The following SLC24A2 variants were observed in gnomAD, a reference collection of about 807,000 sequenced individuals.
The protein encoded by SLC24A2 is solute carrier family 24 member 2, also known as sodium/potassium/calcium exchanger 2.
SLC24A2 carries 36 observed loss-of-function variants against 62.0 expected under a neutral mutation model. The observed-to-expected ratio is 0.58, with a 90% CI of 0.44 to 0.77. SLC24A2 has a LOEUF of 0.77. Among genes scored for constraint, SLC24A2 ranks in the 30% least tolerant of loss-of-function variants. The pLI is 0.00. For missense variants in SLC24A2, 846 were observed against 817.9 expected (o/e 1.03, Z -0.42); for synonymous variants, 358 against 294.0 (o/e 1.22, Z -2.23).
chr9:20,138,872 C>G, the SLC24A2 span, among the ~76,000 whole-genome samples: 1 of 152,202 alleles, frequency 6.6e-6, no homozygotes, highest in Admixed American at 6.5e-5. Context: ...ATTTCGCTCC[C>G]AGGCGAAGGC....
chr9:20,022,356 A>T, the SLC24A2 span, among the ~76,000 whole-genome samples: 1 of 152,222 alleles, frequency 6.6e-6, no homozygotes, highest in Non-Finnish European at 1.5e-5. Context: ...TTTAAACCAT[A>T]TAACAATCCT....
intron 10 of SLC24A2, among the ~76,000 whole-genome samples, chr9:19,519,102 A>G (rs977975556): frequency 2.6e-5 from 4 of 152,332 alleles, no homozygotes; most frequent in African/African-American, 9.6e-5. Flanking sequence ...GGAATATTTG[A>G]AGCCACAAAA....
chr9:19,871,264 T>C, the SLC24A2 span, among the ~76,000 whole-genome samples: 1 of 152,210 alleles, frequency 6.6e-6, no homozygotes, highest in Non-Finnish European at 1.5e-5. Context: ...CTGAACATAA[T>C]TCATTTTTTC....
chr9:20,225,883 A>T, the SLC24A2 span, among the ~76,000 whole-genome samples: 2 of 151,900 alleles, frequency 1.3e-5, no homozygotes, highest in Non-Finnish European at 2.9e-5. Context: ...TTACTCTCCC[A>T]AATCCTTTAG....
chr9:19,685,629 A>G (rs1819858532), intron 2 of SLC24A2, among the ~76,000 whole-genome samples: 1 of 152,028 alleles, frequency 6.6e-6, no homozygotes, highest in Non-Finnish European at 1.5e-5. Flanking sequence ...CCCCCAAACC[A>G]TCTGATATTC....
chr9:20,161,757 T>TACACACACAC, the SLC24A2 span, among the ~76,000 whole-genome samples: 814 of 147,338 alleles, frequency 5.5e-3, 10 homozygotes, highest in African/African-American at 0.017. Flanking sequence ...AACATGAAGA[T>TACACACACAC]ACACACACAC....
chr9:20,057,047 T>G, the SLC24A2 span, among the ~76,000 whole-genome samples: 1 of 152,194 alleles, frequency 6.6e-6, no homozygotes, highest in Non-Finnish European at 1.5e-5. Context: ...ACATAATTTT[T>G]TAAATCCCAA....
At chr9:19,852,093 T>C in the SLC24A2 span, among the ~76,000 whole-genome samples, 1 of 152,186 alleles carries the variant, frequency 6.6e-6, no homozygotes, top group Non-Finnish European at 1.5e-5. Context: ...GACGTTGAGC[T>C]TTTTTTCATA....
chr9:19,954,257 C>A, the SLC24A2 span, among the ~76,000 whole-genome samples: 1 of 151,982 alleles, frequency 6.6e-6, no homozygotes, highest in African/African-American at 2.4e-5. Flanking sequence ...CCTGGGGATA[C>A]CTCTACTGCA....
the SLC24A2 span, among the ~76,000 whole-genome samples, chr9:19,819,769 G>A: frequency 8.8e-3 from 1,339 of 151,908 alleles, 24 homozygotes; most frequent in African/African-American, 0.031. Context: ...ATGTAAACTA[G>A]TGCAGCCACT....
the SLC24A2 span, among the ~76,000 whole-genome samples, chr9:20,228,555 T>C: frequency 6.6e-6 from 1 of 152,160 alleles, no homozygotes; most frequent in Non-Finnish European, 1.5e-5. Context: ...GGGAGTAGAC[T>C]GGCTTGCTGT....
the SLC24A2 span, among the ~76,000 whole-genome samples, chr9:19,879,485 ATT>A: frequency 6.6e-6 from 1 of 152,188 alleles, no homozygotes; most frequent in African/African-American, 2.4e-5. Context: ...ATAGCAAGTT[ATT>A]TTGGGTTACA....
At chr9:20,155,154 A>G in the SLC24A2 span, among the ~76,000 whole-genome samples, 2 of 151,660 alleles carry the variant, frequency 1.3e-5, no homozygotes, top group African/African-American at 2.4e-5. Context: ...AAAAGAAAAA[A>G]AAAAAAAACT....
the SLC24A2 span, among the ~76,000 whole-genome samples, chr9:19,833,651 C>T: frequency 6.6e-6 from 1 of 152,234 alleles, no homozygotes; most frequent in Non-Finnish European, 1.5e-5. Flanking sequence ...CCTCTGGGGG[C>T]ACAGCACAGA....
At chr9:19,977,763 A>C in the SLC24A2 span, among the ~76,000 whole-genome samples, 1 of 152,184 alleles carries the variant, frequency 6.6e-6, no homozygotes, top group South Asian at 2.1e-4. Flanking sequence ...GTGCATTTGA[A>C]GGTATTTAGA....
the SLC24A2 span, among the ~76,000 whole-genome samples, chr9:19,875,455 T>C: frequency 6.6e-6 from 1 of 152,102 alleles, no homozygotes; most frequent in East Asian, 1.9e-4. Flanking sequence ...CAGCAATGAG[T>C]CATTATGACA....
the SLC24A2 span, among the ~76,000 whole-genome samples, chr9:19,796,126 T>TG: frequency 1.7e-5 from 1 of 59,046 alleles, no homozygotes; most frequent in African/African-American, 8.1e-5. Flanking sequence ...TGTTGTGGGG[T>TG]GGGGGGAGGG....
At chr9:20,093,232 C>G in the SLC24A2 span, among the ~76,000 whole-genome samples, 1 of 151,798 alleles carries the variant, frequency 6.6e-6, no homozygotes, top group African/African-American at 2.4e-5. Flanking sequence ...ACGACCACAC[C>G]TGGCTAATTT....
At chr9:20,129,030 A>G in the SLC24A2 span, among the ~76,000 whole-genome samples, 1 of 152,128 alleles carries the variant, frequency 6.6e-6, no homozygotes, top group Admixed American at 6.6e-5. Context: ...ATATTTTCAA[A>G]TAATATCTCT....
Sources: gnomAD v4.1 joint callset for allele counts (sites outside exome capture counted in the v4.1 genomes callset) on GRCh38, gnomAD v4.1.1 for gene constraint, MANE v1.5 for transcripts, NCBI Gene and HGNC (gene_info 2026-07-23, HGNC 2026-07-21) for gene names.